Variants in SCARB1 observed in about 807,000 individuals in gnomAD.
SCARB1 encodes CD36 and LIMPII analogous 1.
Under a neutral mutation model 57.2 loss-of-function variants are expected in SCARB1, and 30 were observed. The ratio of observed to expected loss-of-function variants is 0.52; its 90% confidence interval spans 0.39 to 0.71. SCARB1 has a LOEUF of 0.71. Ranked by LOEUF, SCARB1 falls within the 30% of genes least tolerant of loss-of-function variation. SCARB1 has a pLI of 0.00. For synonymous variants in SCARB1, 249 were observed against 268.3 expected (o/e 0.93, Z 0.70); for missense variants, 543 against 671.2 (o/e 0.81, Z 2.11).
chr12:124,855,199 G>A (rs1409768288), intron 1 of SCARB1, among the ~76,000 whole-genome samples: 1 of 152,202 alleles, frequency 6.6e-6, no homozygotes, highest in East Asian at 1.9e-4. Context: ...AAGTGAACAA[G>A]GTCAGGCCCC....
intron 9 of SCARB1, among the ~76,000 whole-genome samples, chr12:124,792,630 G>A (rs1264504828): frequency 6.7e-6 from 1 of 149,694 alleles, no homozygotes; most frequent in African/African-American, 2.5e-5. Flanking sequence ...GCTGAGGCAG[G>A]AGAATCGCTG....
chr12:124,847,794 G>C (rs1952224053), intron 1 of SCARB1, among the ~76,000 whole-genome samples: 1 of 152,178 alleles, frequency 6.6e-6, no homozygotes, highest in Non-Finnish European at 1.5e-5. Flanking sequence ...TGGGAGCTGG[G>C]GGAGGATCCA....
chr12:124,783,135 C>G (rs921177802), intron 11 of SCARB1: 2 of 327,220 alleles, frequency 6.1e-6, no homozygotes, highest in Non-Finnish European at 5.7e-6. Flanking sequence ...AGCTGGGGGG[C>G]TGTTTAAAAT....
intron 2 of SCARB1, among the ~76,000 whole-genome samples, chr12:124,816,009 C>T (rs1258915605): frequency 6.6e-6 from 1 of 151,402 alleles, no homozygotes; most frequent in Non-Finnish European, 1.5e-5. Context: ...TCCCTCGTAA[C>T]CCCAGCCGCA....
At chr12:124,854,204 G>A (rs1005689290) in intron 1 of SCARB1, among the ~76,000 whole-genome samples, 3 of 152,242 alleles carry the variant, frequency 2.0e-5, no homozygotes, top group Non-Finnish European at 4.4e-5. Flanking sequence ...GGAATCAGGG[G>A]AGGGTCTCCG....
In SCARB1 at chr12:124,837,932, C is replaced by T. The variant is rs943212011; in HGVS notation, c.127-20225G>A. 3.3e-5 allele frequency among the ~76,000 whole-genome samples: 5 copies of T among 152,240 alleles called. No homozygotes were observed. The South Asian group carries it at 1.0e-3, about 32-fold the overall frequency. On this transcript the variant is annotated intron_variant, in intron 1 of 12. Coordinates refer to ENST00000261693, the MANE Select transcript of SCARB1 (RefSeq NM_005505.5). Reference sequence around the variant, plus strand: ...AATATGTTAAAAATAAATAAACAAACAATTGAAAGAAAAATGCCATTTCAT... The same window carrying T: ...AATATGTTAAAAATAAATAAACAAATAATTGAAAGAAAAATGCCATTTCAT...
At chr12:124,824,910 C>T (rs190954690) in intron 1 of SCARB1, among the ~76,000 whole-genome samples, 39 of 152,292 alleles carry the variant, frequency 2.6e-4, no homozygotes, top group Non-Finnish European at 2.9e-5. Context: ...GTATTCTATC[C>T]TATTCCATTC....
chr12:124,779,742 G>GC (rs1407739020), intron 12 of SCARB1, among the ~76,000 whole-genome samples: 2 of 152,032 alleles, frequency 1.3e-5, no homozygotes, highest in African/African-American at 4.8e-5. Context: ...AGGCCTCCCT[G>GC]CCCCGGTGGC....
chr12:124,811,982 G>C lies in SCARB1; in HGVS notation c.631-17C>G. On this transcript the variant is annotated splice_polypyrimidine_tract_variant and intron_variant, in intron 4 of 12. Transcript: ENST00000261693. ...GTTGTTGAGCTACAGACACAGCAGG[G>C]AACAGCATCGTAAGGCTTAGGCCTG... 6.3e-7 allele frequency: 1 copy of C among 1,593,380 alleles called. No individual in the cohort carries two copies. Among genetic ancestry groups the C allele is most frequent in the East Asian group, 2.3e-5 (1 of 44,190 alleles).
intron 1 of SCARB1, among the ~76,000 whole-genome samples, chr12:124,856,396 C>T (rs755286458): frequency 1.3e-5 from 2 of 152,120 alleles, no homozygotes; most frequent in African/African-American, 4.8e-5. Flanking sequence ...GTACACACAC[C>T]AACACACGTG....
intron 1 of SCARB1, among the ~76,000 whole-genome samples, chr12:124,837,727 C>T (rs1268486456): frequency 5.3e-5 from 7 of 132,068 alleles, no homozygotes; most frequent in African/African-American, 1.6e-4. Context: ...CCCTACACAC[C>T]CACCCACCAA....
At chr12:124,833,829 T>C (rs1435442136) in intron 1 of SCARB1, among the ~76,000 whole-genome samples, 1 of 152,228 alleles carries the variant, frequency 6.6e-6, no homozygotes, top group East Asian at 1.9e-4. Context: ...CGTCCCCCGC[T>C]TTTGAACCCT....
chr12:124,863,387 C>T (rs190930111), intron 1 of SCARB1, among the ~76,000 whole-genome samples: 1 of 152,182 alleles, frequency 6.6e-6, no homozygotes, highest in Non-Finnish European at 1.5e-5. Flanking sequence ...GGGTTCCCCC[C>T]TAGCCTCAGT....
intron 12 of SCARB1, 85 bp downstream of exon 12, chr12:124,782,598 G>T: frequency 7.4e-7 from 1 of 1,347,742 alleles, no homozygotes; most frequent in Non-Finnish European, 1.0e-6. Flanking sequence ...GAAGGAATGA[G>T]CAGGACCCCA....
intron 1 of SCARB1, among the ~76,000 whole-genome samples, chr12:124,825,400 G>A (rs1056017073): frequency 1.9e-4 from 29 of 152,148 alleles, no homozygotes; most frequent in Non-Finnish European, 4.0e-4. Flanking sequence ...GCCAGGCACG[G>A]GGGCTCACGC....
At chr12:124,860,488 CG>C (rs992214726) in intron 1 of SCARB1, among the ~76,000 whole-genome samples, 4 of 152,244 alleles carry the variant, frequency 2.6e-5, no homozygotes, top group African/African-American at 9.6e-5. Flanking sequence ...CAGAGACACA[CG>C]GGAACTTGGC....
At chr12:124,820,163 T>A (rs1313527585) in intron 1 of SCARB1, among the ~76,000 whole-genome samples, 1 of 152,104 alleles carries the variant, frequency 6.6e-6, no homozygotes, top group Non-Finnish European at 1.5e-5. Flanking sequence ...CGAAGGCGCA[T>A]AAACTGAATA....
At chr12:124,837,665 T>A (rs528102741) in intron 1 of SCARB1, among the ~76,000 whole-genome samples, 1 of 150,088 alleles carries the variant, frequency 6.7e-6, no homozygotes, top group Non-Finnish European at 1.5e-5. Flanking sequence ...GGTGGGAGGG[T>A]CACTTGAGGC....
intron 2 of SCARB1, among the ~76,000 whole-genome samples, chr12:124,815,946 G>A (rs1210169313): frequency 6.6e-6 from 1 of 151,868 alleles, no homozygotes; most frequent in South Asian, 2.1e-4. Context: ...GGCTCCTAAC[G>A]TGACCTCTGA....
Sources: gnomAD v4.1 joint callset for allele counts (sites outside exome capture counted in the v4.1 genomes callset) on GRCh38, gnomAD v4.1.1 for gene constraint, MANE v1.5 for transcripts, NCBI Gene and HGNC (gene_info 2026-07-23, HGNC 2026-07-21) for gene names.